Variants in CHRM5 observed in about 807,000 individuals in gnomAD.
The protein encoded by CHRM5 is cholinergic receptor muscarinic 5.
CHRM5 carries 18 observed loss-of-function variants against 39.0 expected under a neutral mutation model. That is an observed-to-expected ratio of 0.46 (90% CI 0.32 to 0.68). The LOEUF is 0.68. Among genes scored for constraint, CHRM5 ranks in the 30% least tolerant of loss-of-function variants. The probability of loss-of-function intolerance (pLI) is 0.04; values close to 1 mark genes in which losing one functional copy is unlikely to be tolerated. For missense variants in CHRM5, 515 were observed against 651.1 expected (o/e 0.79, Z 2.28); for synonymous variants, 241 against 246.3 (o/e 0.98, Z 0.20).
At chr15:34,017,485 T>G (rs950250091) in intron 1 of CHRM5, among the ~76,000 whole-genome samples, 1 of 24,400 alleles carries the variant, frequency 4.1e-5, no homozygotes, top group African/African-American at 1.3e-4. Context: ...TTTTTTTTTG[T>G]TTTTTTTTTT....
intron 1 of CHRM5, among the ~76,000 whole-genome samples, chr15:34,039,716 A>C (rs1307425566): frequency 1.3e-5 from 2 of 152,198 alleles, no homozygotes; most frequent in Non-Finnish European, 2.9e-5. Context: ...ATTTCTGTAG[A>C]AATGACTACT....
intron 1 of CHRM5, among the ~76,000 whole-genome samples, chr15:34,014,066 A>T (rs758040499): frequency 6.6e-6 from 1 of 152,040 alleles, no homozygotes; most frequent in Non-Finnish European, 1.5e-5. Context: ...AATTTTAAAA[A>T]AGAAAAACAC....
At chr15:33,977,923 C>T (rs114725444) in intron 1 of CHRM5, among the ~76,000 whole-genome samples, 1,590 of 146,390 alleles carry the variant, frequency 0.011, 32 homozygotes, top group African/African-American at 0.039. Flanking sequence ...GGTGACAGAA[C>T]GAGCCCTGTC....
intron 1 of CHRM5, among the ~76,000 whole-genome samples, chr15:34,027,133 A>G (rs1049480190): frequency 6.6e-6 from 1 of 152,174 alleles, no homozygotes; most frequent in Non-Finnish European, 1.5e-5. Context: ...AAGACTCACA[A>G]AAGTCCAAGG....
chr15:33,974,208 G>A (rs1181760690), intron 1 of CHRM5, among the ~76,000 whole-genome samples: 3 of 152,026 alleles, frequency 2.0e-5, no homozygotes, highest in South Asian at 2.1e-4. Flanking sequence ...GTGACTTCAG[G>A]GGAATTTGAA....
intron 1 of CHRM5, among the ~76,000 whole-genome samples, chr15:33,977,390 C>T (rs1362370123): frequency 4.6e-5 from 7 of 152,126 alleles, no homozygotes; most frequent in Admixed American, 4.6e-4. Flanking sequence ...CTTATCATCT[C>T]CTCCTATACT....
At chr15:34,038,262 AT>A (rs547440707) in intron 1 of CHRM5, among the ~76,000 whole-genome samples, 78 of 152,342 alleles carry the variant, frequency 5.1e-4, no homozygotes, top group African/African-American at 1.9e-3. Context: ...CGTAGGGGTC[AT>A]TCTTTCACTC....
At chr15:34,001,869 C>A (rs1897149932) in intron 1 of CHRM5, among the ~76,000 whole-genome samples, 1 of 152,174 alleles carries the variant, frequency 6.6e-6, no homozygotes, top group Non-Finnish European at 1.5e-5. Context: ...AAAGGTAGAA[C>A]TAAACAGCAA....
At chr15:34,019,235 G>T (rs1368464360) in intron 1 of CHRM5, among the ~76,000 whole-genome samples, 2 of 152,178 alleles carry the variant, frequency 1.3e-5, no homozygotes, top group Non-Finnish European at 2.9e-5. Context: ...GGATGTAATT[G>T]TTTGTGTCTT....
intron 1 of CHRM5, among the ~76,000 whole-genome samples, chr15:33,998,494 T>G (rs1006782001): frequency 1.3e-5 from 2 of 152,078 alleles, no homozygotes. Context: ...AATTAAAAAG[T>G]CTTGACTCAC....
chr15:33,982,043 T>A (rs1048607047), intron 1 of CHRM5, among the ~76,000 whole-genome samples: 1 of 151,544 alleles, frequency 6.6e-6, no homozygotes, highest in Admixed American at 6.6e-5. Context: ...TTTTTTTTTT[T>A]ATTAGTAGAG....
chr15:34,017,484 G>GTTTT (rs60119659), intron 1 of CHRM5, among the ~76,000 whole-genome samples: 16,096 of 106,900 alleles, frequency 0.15, 1,643 homozygotes, highest in African/African-American at 0.28. Context: ...TTTTTTTTTT[G>GTTTT]TTTTTTTTTT....
intron 1 of CHRM5, among the ~76,000 whole-genome samples, chr15:34,028,247 T>C (rs536753092): frequency 2.0e-4 from 31 of 152,250 alleles, no homozygotes; most frequent in African/African-American, 7.2e-4. Context: ...AATGAGTATA[T>C]AGTTTGCATC....
intron 1 of CHRM5, among the ~76,000 whole-genome samples, chr15:34,030,539 G>C (rs1367796303): frequency 6.6e-6 from 1 of 151,976 alleles, no homozygotes; most frequent in African/African-American, 2.4e-5. Flanking sequence ...GTAGAGACAG[G>C]GTTTCATTGT....
intron 2 of CHRM5, among the ~76,000 whole-genome samples, chr15:34,052,261 C>G (rs1175090793): frequency 6.6e-6 from 1 of 152,156 alleles, no homozygotes; most frequent in African/African-American, 2.4e-5. Context: ...ATGATTATCT[C>G]CATAGATGCA....
chr15:33,987,697 T>C (rs1370613568), intron 1 of CHRM5, among the ~76,000 whole-genome samples: 1 of 152,148 alleles, frequency 6.6e-6, no homozygotes, highest in Admixed American at 6.5e-5. Context: ...TCTCTCTTTC[T>C]CTCTTTGGGC....
chr15:34,031,758 C>T (rs1268975008), intron 1 of CHRM5, among the ~76,000 whole-genome samples: 1 of 152,074 alleles, frequency 6.6e-6, no homozygotes, highest in Non-Finnish European at 1.5e-5. Context: ...TTAAGGCTTA[C>T]AAAATCAGGT....
intron 1 of CHRM5, among the ~76,000 whole-genome samples, chr15:34,026,603 G>A (rs935318721): frequency 6.6e-6 from 1 of 152,078 alleles, no homozygotes; most frequent in Non-Finnish European, 1.5e-5. Flanking sequence ...AATTTTCCAA[G>A]GAATGATGAA....
intron 1 of CHRM5, among the ~76,000 whole-genome samples, chr15:34,013,457 ATTGTTACAT>A: frequency 6.6e-6 from 1 of 152,228 alleles, no homozygotes; most frequent in Admixed American, 6.5e-5. Flanking sequence ...AGTGGCACTT[ATTGTTACAT>A]TTGTCTGTCC....
Sources: allele counts gnomAD v4.1 joint callset (sites outside exome capture counted in the v4.1 genomes callset), GRCh38; gene constraint gnomAD v4.1.1; transcripts MANE v1.5; gene names NCBI Gene and HGNC (gene_info 2026-07-23, HGNC 2026-07-21).